CSMD1: variants seen among roughly 807,000 people sequenced by gnomAD.
CSMD1 encodes CUB and sushi domain-containing protein 1.
In CSMD1, 213 loss-of-function variants were observed where a neutral mutation model predicts 417.5. That is an observed-to-expected ratio of 0.51 (90% CI 0.46 to 0.57). CSMD1 has a LOEUF of 0.57. Ranked by LOEUF, CSMD1 falls within the 20% of genes least tolerant of loss-of-function variation. The pLI is 0.00. For missense variants in CSMD1, 6,923 were observed against 4,529.7 expected (o/e 1.53, Z -15.17); for synonymous variants, 2,862 against 1,736.8 (o/e 1.65, Z -16.11).
At chr8:4,398,760 T>C (rs889503642) in intron 3 of CSMD1, among the ~76,000 whole-genome samples, 10 of 152,234 alleles carry the variant, frequency 6.6e-5, no homozygotes, top group African/African-American at 2.4e-4. Context: ...GTTTCTCATT[T>C]ATCAAAATTA....
At position 4,358,136 on chromosome 8, in the gene CSMD1, T is replaced by C. The variant is rs924788668; in HGVS notation, c.415+61817A>G. Among the ~76,000 whole-genome samples, 4 of 152,232 alleles carry C rather than the reference T, an allele frequency of 2.6e-5. No homozygotes were observed. In the South Asian group the frequency reaches 8.3e-4, roughly 32 times the overall value. On this transcript the variant is annotated intron_variant, in intron 3 of 69. Coordinates refer to ENST00000635120, the MANE Select transcript of CSMD1 (RefSeq NM_033225.6). ...AATTTAATTTATTCTCAAAATTTAT[T>C]CTCAAAATTTCCATGCATGCAAAAT... is the stretch of plus-strand genomic sequence containing the variant.
At chr8:3,404,370 T>G (rs1261635437) in intron 15 of CSMD1, among the ~76,000 whole-genome samples, 2 of 150,566 alleles carry the variant, frequency 1.3e-5, no homozygotes, top group African/African-American at 4.9e-5. Context: ...CGTTTCTACT[T>G]TGAGTAATGG....
intron 10 of CSMD1, among the ~76,000 whole-genome samples, chr8:3,530,608 G>C (rs1042510827): frequency 2.6e-5 from 4 of 152,098 alleles, no homozygotes; most frequent in African/African-American, 9.7e-5. Context: ...AGCAACCTCT[G>C]CCTTCTGGGT....
chr8:4,814,268 G>A (rs1415143314), intron 1 of CSMD1, among the ~76,000 whole-genome samples: 1 of 152,098 alleles, frequency 6.6e-6, no homozygotes, highest in African/African-American at 2.4e-5. Context: ...GGTGGGGGAT[G>A]GAGATTCGCT....
chr8:3,248,608 C>T (rs1800051822), intron 26 of CSMD1, among the ~76,000 whole-genome samples: 1 of 143,366 alleles, frequency 7.0e-6, no homozygotes, highest in Non-Finnish European at 1.5e-5. Context: ...CAGCTCACTG[C>T]AAGTTCCACC....
intron 25 of CSMD1, among the ~76,000 whole-genome samples, chr8:3,297,777 C>G (rs1028796176): frequency 5.9e-5 from 9 of 151,972 alleles, no homozygotes; most frequent in African/African-American, 1.9e-4. Context: ...ATCACTAAAG[C>G]CAACCTTAAC....
At chr8:4,312,609 T>C (rs910889185) in intron 3 of CSMD1, among the ~76,000 whole-genome samples, 2 of 147,526 alleles carry the variant, frequency 1.4e-5, no homozygotes, top group African/African-American at 5.4e-5. Context: ...AGGCACAGTG[T>C]CTCACGCCTG....
At chr8:4,633,466 G>C (rs947560581) in intron 2 of CSMD1, among the ~76,000 whole-genome samples, 5 of 151,972 alleles carry the variant, frequency 3.3e-5, no homozygotes, top group African/African-American at 1.2e-4. Context: ...AGCCAGGATG[G>C]TCTCGATCTA....
chr8:4,219,948 T>A (rs191055956), intron 3 of CSMD1, among the ~76,000 whole-genome samples: 119 of 152,064 alleles, frequency 7.8e-4, no homozygotes, highest in Middle Eastern at 6.8e-3. Context: ...TTTTTAAAAA[T>A]TTTTTAATGC....
At chr8:3,117,686 C>A (rs1223954999) in intron 42 of CSMD1, among the ~76,000 whole-genome samples, 1 of 152,136 alleles carries the variant, frequency 6.6e-6, no homozygotes, top group Non-Finnish European at 1.5e-5. Context: ...GGCAGTCACA[C>A]AGAAGCATTA....
chr8:4,359,499 A>G (rs757609802), intron 3 of CSMD1, among the ~76,000 whole-genome samples: 63 of 152,194 alleles, frequency 4.1e-4, no homozygotes, highest in Non-Finnish European at 9.1e-4. Context: ...TTTGTCTCTT[A>G]TAGACTTCCC....
At chr8:3,872,652 G>A (rs796304616) in intron 5 of CSMD1, among the ~76,000 whole-genome samples, 3 of 152,058 alleles carry the variant, frequency 2.0e-5, no homozygotes, top group African/African-American at 2.4e-5. Flanking sequence ...ATTTATTAAT[G>A]AGTTTATTTC....
chr8:4,588,561 G>T (rs573056830), intron 2 of CSMD1, among the ~76,000 whole-genome samples: 19 of 151,842 alleles, frequency 1.3e-4, no homozygotes, highest in African/African-American at 4.6e-4. Flanking sequence ...TTCGGAGGCC[G>T]AGTCTGGCGG....
intron 18 of CSMD1, among the ~76,000 whole-genome samples, chr8:3,376,071 A>C (rs546752902): frequency 2.0e-4 from 31 of 152,246 alleles, no homozygotes; most frequent in African/African-American, 7.5e-4. Context: ...ATTTTTAAAA[A>C]TGTCTTTCCT....
intron 3 of CSMD1, among the ~76,000 whole-genome samples, chr8:4,139,779 A>T (rs1803670335): frequency 6.6e-6 from 1 of 151,166 alleles, no homozygotes; most frequent in Non-Finnish European, 1.5e-5. Flanking sequence ...AGATGTTTGC[A>T]CACTGAGCTC....
intron 7 of CSMD1, among the ~76,000 whole-genome samples, chr8:3,647,689 G>T (rs1405659795): frequency 3.3e-5 from 5 of 152,196 alleles, no homozygotes; most frequent in Non-Finnish European, 7.3e-5. Flanking sequence ...TACAGTTATT[G>T]TAAGACATTG....
At chr8:4,172,554 G>A (rs1797825333) in intron 3 of CSMD1, among the ~76,000 whole-genome samples, 1 of 152,000 alleles carries the variant, frequency 6.6e-6, no homozygotes, top group African/African-American at 2.4e-5. Context: ...AGTGGAAAGT[G>A]AGGCTCCACA....
chr8:3,309,070 C>T (rs1274292422), intron 23 of CSMD1, among the ~76,000 whole-genome samples: 1 of 152,076 alleles, frequency 6.6e-6, no homozygotes. Flanking sequence ...TCTGTCAGTC[C>T]AAGCCTCCAG....
chr8:3,301,208 A>G (rs2117340976), intron 25 of CSMD1, among the ~76,000 whole-genome samples: 1 of 151,982 alleles, frequency 6.6e-6, no homozygotes, highest in Admixed American at 6.6e-5. Flanking sequence ...AAAACAAACC[A>G]TATTGTTTGG....
Sources: allele counts gnomAD v4.1 joint callset (sites outside exome capture counted in the v4.1 genomes callset), GRCh38; gene constraint gnomAD v4.1.1; transcripts MANE v1.5; gene names NCBI Gene and HGNC (gene_info 2026-07-23, HGNC 2026-07-21).